Variants in TWSG1 observed in about 807,000 individuals in gnomAD.
The protein encoded by TWSG1 is twisted gastrulation BMP signaling modulator 1, also known as twisted gastrulation protein homolog 1.
A neutral mutation model predicts 23.0 loss-of-function variants in TWSG1; 15 were observed. That is an observed-to-expected ratio of 0.65 (90% CI 0.44 to 1.00). The LOEUF (loss-of-function observed/expected upper bound fraction) is 1.00. Ranked by LOEUF, TWSG1 falls within the 50% of genes least tolerant of loss-of-function variation. The probability of loss-of-function intolerance (pLI) is 0.00; values close to 1 mark genes in which losing one functional copy is unlikely to be tolerated. For missense variants in TWSG1, 242 were observed against 278.7 expected (o/e 0.87, Z 0.94); for synonymous variants, 86 against 92.8 (o/e 0.93, Z 0.42).
In TWSG1 at chr18:9,402,305, C is replaced by T. The variant is rs896727594; in HGVS notation, c.*2778C>T. 2 of 152,116 alleles carry T rather than the reference C, an allele frequency of 1.3e-5. No homozygotes were observed. The highest frequency in any genetic ancestry group is 4.8e-5 in the African/African-American group (2 of 41,434). 9.4% of individuals were successfully genotyped at this position (152,116 alleles called of 1,614,324 possible). A position where few individuals can be genotyped will look rare whatever the true frequency, so the allele number is the denominator to read the frequency against. On this transcript the variant is annotated 3_prime_UTR_variant, in exon 5 of 5. Coordinates refer to ENST00000262120, the MANE Select transcript of TWSG1 (RefSeq NM_020648.6). Reference sequence around the variant, plus strand: ...TTTTAAGATTTTGAAATCTATTCTGCATTCCCAAGAGTTTATGTTTATTGT... The same window carrying T: ...TTTTAAGATTTTGAAATCTATTCTGTATTCCCAAGAGTTTATGTTTATTGT...
chr18:9,345,803 TA>T (rs1050729347), intron 2 of TWSG1, among the ~76,000 whole-genome samples: 14 of 152,126 alleles, frequency 9.2e-5, no homozygotes, highest in African/African-American at 3.4e-4. Flanking sequence ...GCTGGGATCT[TA>T]AAAAAATATA....
chr18:9,396,294 C>A lies in TWSG1; in HGVS notation c.238C>A (p.Arg80=), dbSNP rs770511240. 7 of 1,614,018 alleles carry A rather than the reference C, an allele frequency of 4.3e-6. No individual in the cohort carries two copies. Among genetic ancestry groups the A allele is most frequent in the Non-Finnish European group, 5.9e-6 (7 of 1,180,004 alleles). ...CCCCAACCCAGGTATGTGTAATCCT[C>A]GAAATTATAGTGACACACCTCCAAC... ...CCDCVGMCNP[R]NYSDTPPTSK... is the part of the protein sequence containing the mutation. The change falls in exon 4 of 5, where the codon CGA becomes AGA. Residue 80 remains arginine, a synonymous_variant. Coordinates refer to ENST00000262120, the MANE Select transcript of TWSG1 (RefSeq NM_020648.6).
rs28690187 is a variant in TWSG1, at chr18:9,394,431, A to C, written c.224-1849A>C. 9.9e-3 allele frequency among the ~76,000 whole-genome samples: 1,505 copies of C among 152,332 alleles called. 27 individuals are homozygous for C. Among genetic ancestry groups the C allele is most frequent in the African/African-American group, 0.033 (1,380 of 41,574 alleles). ...AGAAGGATAGGAGGGTAGAGGGAAC[A>C]GGAGGATAGAGAGATATTTGTTAAA... is the stretch of plus-strand genomic sequence containing the variant. On this transcript the variant is annotated intron_variant, in intron 3 of 4. Coordinates refer to ENST00000262120, the MANE Select transcript of TWSG1 (RefSeq NM_020648.6).
At chr18:9,377,923 TGCCCA>T (rs2040638640) in intron 3 of TWSG1, among the ~76,000 whole-genome samples, 1 of 152,190 alleles carries the variant, frequency 6.6e-6, no homozygotes, top group Non-Finnish European at 1.5e-5. Context: ...TTTGCCATGT[TGCCCA>T]GGCTGGTCTT....
chr18:9,356,178 C>A (rs923085410), intron 2 of TWSG1, among the ~76,000 whole-genome samples: 1 of 152,036 alleles, frequency 6.6e-6, no homozygotes, highest in Non-Finnish European at 1.5e-5. Context: ...ACGTTGTATT[C>A]TATCACTAAA....
chr18:9,391,246 C>T (rs898154065), intron 3 of TWSG1, among the ~76,000 whole-genome samples: 6 of 152,216 alleles, frequency 3.9e-5, no homozygotes, highest in Non-Finnish European at 8.8e-5. Flanking sequence ...TCCTCAGGCT[C>T]CGCTTCTAAT....
rs1282933196 is a variant in TWSG1, at chr18:9,401,244, A to C, written c.*1717A>C. On this transcript the variant is annotated 3_prime_UTR_variant, in exon 5 of 5. Transcript: ENST00000262120. ...CCTCATTTAAAAGTGCCTTGAAAAC[A>C]TTTAGCTCCCCTTCTTCATGAGCAT... 2 of 152,050 alleles carry C rather than the reference A, an allele frequency of 1.3e-5. No individual in the cohort carries two copies. The highest frequency in any genetic ancestry group is 3.8e-4 in the East Asian group (2 of 5,198). 9.4% of individuals were successfully genotyped at this position (152,050 alleles called of 1,614,324 possible).
intron 3 of TWSG1, among the ~76,000 whole-genome samples, chr18:9,364,385 A>T (rs991729071): frequency 1.3e-5 from 2 of 152,188 alleles, no homozygotes; most frequent in African/African-American, 4.8e-5. Context: ...AATTGATCCC[A>T]TGAGTTCCGA....
intron 2 of TWSG1, among the ~76,000 whole-genome samples, chr18:9,358,237 G>A (rs2040536007): frequency 6.6e-6 from 1 of 151,890 alleles, no homozygotes. Context: ...TGGAAAGTAG[G>A]AATGGGGGGG....
At chr18:9,392,436 C>T (rs1171095327) in intron 3 of TWSG1, among the ~76,000 whole-genome samples, 3 of 152,226 alleles carry the variant, frequency 2.0e-5, no homozygotes, top group African/African-American at 7.2e-5. Context: ...CTCTCTCAGC[C>T]TTCACATAAT....
intron 3 of TWSG1, among the ~76,000 whole-genome samples, chr18:9,366,877 G>A (rs1228731887): frequency 1.3e-5 from 2 of 152,104 alleles, no homozygotes; most frequent in African/African-American, 4.8e-5. Context: ...TGGCTACATA[G>A]AGCTAATTAA....
chr18:9,370,589 A>G (rs1416045504), intron 3 of TWSG1, among the ~76,000 whole-genome samples: 1 of 152,232 alleles, frequency 6.6e-6, no homozygotes, highest in Non-Finnish European at 1.5e-5. Context: ...ACCGAAGACT[A>G]GAGTCATTTA....
At chr18:9,384,740 G>C (rs769957678) in intron 3 of TWSG1, among the ~76,000 whole-genome samples, 1 of 151,892 alleles carries the variant, frequency 6.6e-6, no homozygotes, top group Admixed American at 6.6e-5. Flanking sequence ...CCGTCTCCTG[G>C]GTTTAAGCTA....
chr18:9,364,220 T>C (rs2040566574), intron 3 of TWSG1, among the ~76,000 whole-genome samples: 1 of 152,252 alleles, frequency 6.6e-6, no homozygotes, highest in Admixed American at 6.5e-5. Context: ...TTTTGGTTAT[T>C]TAACTTGTTA....
intron 3 of TWSG1, among the ~76,000 whole-genome samples, chr18:9,379,288 G>A (rs978258498): frequency 6.6e-6 from 1 of 152,178 alleles, no homozygotes; most frequent in African/African-American, 2.4e-5. Flanking sequence ...TGGTAGACTG[G>A]ATGAAGAAAG....
Position 9,385,227 on chromosome 18 carries a change from G to A in TWSG1, c.224-11053G>A, listed in dbSNP as rs188880713. On this transcript the variant is annotated intron_variant, in intron 3 of 4. Transcript: ENST00000262120. ...GAAGTTTCTCTAGGAAAAAGAAATTGGAGAATTTCTTTCTAGAGAAATTGA... is the reference window on the plus strand; with the variant it reads ...GAAGTTTCTCTAGGAAAAAGAAATTAGAGAATTTCTTTCTAGAGAAATTGA... Among the ~76,000 whole-genome samples the A allele has an allele frequency of 6.6e-5, 10 of 152,250 alleles. No individual in the cohort carries two copies. The East Asian group carries it at 1.9e-3, about 29-fold the overall frequency.
At chr18:9,383,338 T>C (rs1313607804) in intron 3 of TWSG1, among the ~76,000 whole-genome samples, 1 of 151,646 alleles carries the variant, frequency 6.6e-6, no homozygotes, top group Non-Finnish European at 1.5e-5. Context: ...AAATTACAGG[T>C]GTGCACCACC....
At chr18:9,343,213 TATATATATA>T (rs1568030712) in intron 2 of TWSG1, among the ~76,000 whole-genome samples, 347 of 1,792 alleles carry the variant, frequency 0.19, 5 homozygotes, top group African/African-American at 0.27. Context: ...TTTTTTGTTA[TATATATATA>T]TATATATATA....
Position 9,377,346 on chromosome 18 carries a change from G to C in TWSG1, c.223+17275G>C, listed in dbSNP as rs148907579. ...CGATTCTCCTGTCTCAGCCTCCGGA[G>C]TAGCTGGGATTACAGGCATGAGCCA... is the stretch of plus-strand genomic sequence containing the variant. On this transcript the variant is annotated intron_variant, in intron 3 of 4. Transcript: ENST00000262120. 9.5e-3 allele frequency among the ~76,000 whole-genome samples: 1,442 copies of C among 152,044 alleles called. 13 individuals are homozygous for C. The highest frequency in any genetic ancestry group is 0.016 in the Non-Finnish European group (1,057 of 67,980).
Sources: allele counts gnomAD v4.1 joint callset (sites outside exome capture counted in the v4.1 genomes callset), GRCh38; gene constraint gnomAD v4.1.1; transcripts MANE v1.5; gene names NCBI Gene and HGNC (gene_info 2026-07-23, HGNC 2026-07-21).